Variants in BMAL2 observed in about 807,000 individuals in gnomAD.
BMAL2 encodes the protein basic helix-loop-helix ARNT like 2.
chr12:27,348,656 C>T, the BMAL2 span, among the ~76,000 whole-genome samples: 2 of 152,088 alleles, frequency 1.3e-5, no homozygotes, highest in African/African-American at 2.4e-5. Flanking sequence ...ATTCATCCAT[C>T]ATAAATTCAT....
At chr12:27,348,117 TC>T in the BMAL2 span, among the ~76,000 whole-genome samples, 1 of 152,214 alleles carries the variant, frequency 6.6e-6, no homozygotes, top group Non-Finnish European at 1.5e-5. Context: ...AGTTCAGTTT[TC>T]CCACCTGCTA....
chr12:27,418,112 C>T, the BMAL2 span: 1 of 1,612,792 alleles, frequency 6.2e-7, no homozygotes, highest in Non-Finnish European at 8.5e-7. Flanking sequence ...GTTGTTTCCA[C>T]CAAGTCCTTC....
chr12:27,422,771 A>G, the BMAL2 span: 5 of 152,264 alleles, frequency 3.3e-5, no homozygotes, highest in South Asian at 1.0e-3. Context: ...GGACTGAACC[A>G]TTGCAGGTTA....
At chr12:27,403,766 C>A in the BMAL2 span, among the ~76,000 whole-genome samples, 3 of 152,062 alleles carry the variant, frequency 2.0e-5, no homozygotes, top group African/African-American at 7.2e-5. Context: ...AAAGATAACT[C>A]ATATAACTTC....
At chr12:27,384,466 G>A in the BMAL2 span, among the ~76,000 whole-genome samples, 3 of 151,962 alleles carry the variant, frequency 2.0e-5, no homozygotes, top group African/African-American at 4.8e-5. Flanking sequence ...TCATGAATCC[G>A]TAACATTTGT....
At chr12:27,373,808 G>A in the BMAL2 span, among the ~76,000 whole-genome samples, 1 of 152,190 alleles carries the variant, frequency 6.6e-6, no homozygotes, top group African/African-American at 2.4e-5. Flanking sequence ...CAAGAAAACT[G>A]CATTGTATTT....
chr12:27,362,683 C>G, the BMAL2 span, among the ~76,000 whole-genome samples: 2 of 152,052 alleles, frequency 1.3e-5, no homozygotes, highest in African/African-American at 2.4e-5. Context: ...CCCAAATATT[C>G]CTAAAAATTG....
chr12:27,368,391 GA>G, the BMAL2 span: 1 of 1,614,104 alleles, frequency 6.2e-7, no homozygotes. Flanking sequence ...AAACGCAAAG[GA>G]AGTGATTCAG....
chr12:27,366,928 C>T, the BMAL2 span, among the ~76,000 whole-genome samples: 3 of 152,158 alleles, frequency 2.0e-5, no homozygotes, highest in Non-Finnish European at 4.4e-5. Flanking sequence ...ACACATAAAT[C>T]TGATGACAGT....
At chr12:27,420,019 G>GCACACACACACACACA in the BMAL2 span, among the ~76,000 whole-genome samples, 21 of 147,568 alleles carry the variant, frequency 1.4e-4, no homozygotes, top group South Asian at 6.5e-4. Context: ...GTTTGCGCGT[G>GCACACACACACACACA]CACACACACA....
the BMAL2 span, among the ~76,000 whole-genome samples, chr12:27,376,627 T>A: frequency 1.3e-5 from 2 of 152,154 alleles, no homozygotes; most frequent in East Asian, 3.8e-4. Context: ...AAAAAACCTA[T>A]TATTTTCTTC....
chr12:27,404,184 CAA>C, the BMAL2 span, among the ~76,000 whole-genome samples: 122 of 78,276 alleles, frequency 1.6e-3, 2 homozygotes, highest in East Asian at 0.011. Flanking sequence ...GACCCTGTCT[CAA>C]AAAAAAAAAA....
chr12:27,369,052 G>A, the BMAL2 span, among the ~76,000 whole-genome samples: 2 of 152,174 alleles, frequency 1.3e-5, no homozygotes, highest in Non-Finnish European at 1.5e-5. Context: ...AGGTAGGTTC[G>A]TTTGAGCCCA....
chr12:27,421,154 G>A, the BMAL2 span: 20,447 of 152,154 alleles, frequency 0.13, 1,495 homozygotes, highest in African/African-American at 0.18. Flanking sequence ...ATGATTTCTT[G>A]CTTAAAACTC....
chr12:27,360,803 C>CAAAAAAGAAAAAAAAA, the BMAL2 span, among the ~76,000 whole-genome samples: 1 of 46,788 alleles, frequency 2.1e-5, no homozygotes, highest in Non-Finnish European at 3.8e-5. Flanking sequence ...GTGATTTGTC[C>CAAAAAAGAAAAAAAAA]AAAAAAAAAA....
the BMAL2 span, chr12:27,400,502 C>T: frequency 6.7e-7 from 1 of 1,502,278 alleles, no homozygotes. Context: ...TTATAATGAT[C>T]CAAATGTCCT....
the BMAL2 span, among the ~76,000 whole-genome samples, chr12:27,341,039 C>G: frequency 6.6e-5 from 10 of 152,156 alleles, no homozygotes; most frequent in African/African-American, 2.2e-4. Flanking sequence ...GATACAGAAT[C>G]ATGTCATCTG....
At chr12:27,418,437 GA>G in the BMAL2 span, among the ~76,000 whole-genome samples, 7 of 148,930 alleles carry the variant, frequency 4.7e-5, no homozygotes, top group South Asian at 2.1e-4. Flanking sequence ...CCATCCCTAC[GA>G]AAAAAAAATT....
chr12:27,411,659 T>G, the BMAL2 span, among the ~76,000 whole-genome samples: 4 of 152,148 alleles, frequency 2.6e-5, no homozygotes, highest in Admixed American at 2.0e-4. Context: ...AAGTGTGCAT[T>G]CAAGTCCTTT....
Sources: allele counts gnomAD v4.1 joint callset (sites outside exome capture counted in the v4.1 genomes callset), GRCh38; gene constraint gnomAD v4.1.1; transcripts MANE v1.5; gene names NCBI Gene and HGNC (gene_info 2026-07-23, HGNC 2026-07-21).